The following ASIC2 variants were observed in gnomAD, a reference collection of about 807,000 sequenced individuals.
ASIC2 encodes the protein acid-sensing ion channel 2.
Under a neutral mutation model 57.3 loss-of-function variants are expected in ASIC2, and 25 were observed. The observed-to-expected ratio is 0.44, with a 90% CI of 0.32 to 0.61. The LOEUF is 0.61. Ranked by LOEUF, ASIC2 falls within the 20% of genes least tolerant of loss-of-function variation. The pLI, the probability that ASIC2 is intolerant of heterozygous loss-of-function variation, is 0.06. For synonymous variants in ASIC2, 319 were observed against 307.5 expected, an observed-to-expected ratio of 1.04 and a Z score of -0.39; for missense variants, 641 against 738.1, an observed-to-expected ratio of 0.87 and a Z score of 1.52.
chr17:33,046,320 T>C (rs901706347), intron 3 of ASIC2, among the ~76,000 whole-genome samples: 1 of 152,196 alleles, frequency 6.6e-6, no homozygotes, highest in Non-Finnish European at 1.5e-5. Context: ...ATGGGTGTAT[T>C]TGAAATGGAA....
chr17:34,041,056 G>C (rs1040103589), intron 1 of ASIC2, among the ~76,000 whole-genome samples: 5 of 152,194 alleles, frequency 3.3e-5, no homozygotes, highest in African/African-American at 1.2e-4. Flanking sequence ...AAGTGGGAAA[G>C]CATATATCTC....
intron 1 of ASIC2, among the ~76,000 whole-genome samples, chr17:33,483,233 G>A (rs1313266756): frequency 6.6e-6 from 1 of 152,238 alleles, no homozygotes; most frequent in Non-Finnish European, 1.5e-5. Flanking sequence ...GTGAATTGCA[G>A]TGTGGGCTCC....
intron 1 of ASIC2, among the ~76,000 whole-genome samples, chr17:33,835,956 A>G (rs190707728): frequency 6.4e-4 from 97 of 151,200 alleles, no homozygotes; most frequent in Middle Eastern, 3.5e-3. Flanking sequence ...TATATGAAAT[A>G]CTAATTATAT....
chr17:33,291,337 G>A, intron 1 of ASIC2, 71 bp downstream of exon 1: 1 of 1,510,474 alleles, frequency 6.6e-7, no homozygotes, highest in Admixed American at 2.1e-5. Flanking sequence ...CCGAGGGGGC[G>A]GAACACCAGG....
At chr17:33,764,289 C>G (rs1910870031) in intron 1 of ASIC2, among the ~76,000 whole-genome samples, 1 of 150,322 alleles carries the variant, frequency 6.7e-6, no homozygotes, top group African/African-American at 2.5e-5. Context: ...TGCACTCCAG[C>G]CTGGGCGAGA....
chr17:33,472,852 C>T (rs1913100065), intron 1 of ASIC2, among the ~76,000 whole-genome samples: 1 of 152,072 alleles, frequency 6.6e-6, no homozygotes, highest in Admixed American at 6.5e-5. Flanking sequence ...GTTTGGAGTC[C>T]AGGAATTCTG....
At chr17:33,803,861 T>C (rs1199810367) in intron 1 of ASIC2, among the ~76,000 whole-genome samples, 1 of 152,150 alleles carries the variant, frequency 6.6e-6, no homozygotes, top group Non-Finnish European at 1.5e-5. Context: ...CAGATTAAAC[T>C]ACAGCCCAGG....
chr17:33,418,317 T>C (rs985835076), intron 1 of ASIC2, among the ~76,000 whole-genome samples: 8 of 152,070 alleles, frequency 5.3e-5, no homozygotes, highest in African/African-American at 1.7e-4. Context: ...AAGTGTGACA[T>C]GCAGAATTAA....
chr17:33,813,407 T>C (rs1368653608), intron 1 of ASIC2, among the ~76,000 whole-genome samples: 1 of 151,950 alleles, frequency 6.6e-6, no homozygotes, highest in Non-Finnish European at 1.5e-5. Flanking sequence ...AGCCCCAGAG[T>C]GCCAGCATTA....
intron 1 of ASIC2, among the ~76,000 whole-genome samples, chr17:33,257,660 A>C (rs1349626137): frequency 6.6e-6 from 1 of 152,168 alleles, no homozygotes; most frequent in African/African-American, 2.4e-5. Flanking sequence ...CTCCATGCAC[A>C]CAACCTAGCC....
chr17:34,027,401 C>T (rs185235125), intron 1 of ASIC2, among the ~76,000 whole-genome samples: 142 of 152,256 alleles, frequency 9.3e-4, no homozygotes, highest in Admixed American at 1.9e-3. Flanking sequence ...TATGTCATCA[C>T]GGGTCAGACT....
At chr17:34,143,466 G>T (rs1214613592) in intron 1 of ASIC2, among the ~76,000 whole-genome samples, 1 of 152,196 alleles carries the variant, frequency 6.6e-6, no homozygotes, top group Admixed American at 6.5e-5. Flanking sequence ...ACTTCTTGTA[G>T]GAATGAATTA....
At chr17:33,806,431 C>T (rs1429072988) in intron 1 of ASIC2, among the ~76,000 whole-genome samples, 1 of 152,200 alleles carries the variant, frequency 6.6e-6, no homozygotes, top group Non-Finnish European at 1.5e-5. Context: ...CAAAGATAAG[C>T]AGCAGGCTGG....
intron 1 of ASIC2, among the ~76,000 whole-genome samples, chr17:33,354,976 A>T (rs1026910539): frequency 8.5e-5 from 13 of 152,206 alleles, no homozygotes; most frequent in African/African-American, 3.1e-4. Context: ...GACTGGGAGC[A>T]GCCTGTGGGC....
At chr17:33,230,242 C>G (rs557779423) in intron 1 of ASIC2, among the ~76,000 whole-genome samples, 30 of 152,360 alleles carry the variant, frequency 2.0e-4, no homozygotes, top group South Asian at 1.0e-3. Flanking sequence ...GTGATAGAAG[C>G]CAGCTATGGG....
chr17:33,044,815 T>C (rs1246477668), intron 3 of ASIC2, among the ~76,000 whole-genome samples: 1 of 152,172 alleles, frequency 6.6e-6, no homozygotes, highest in East Asian at 1.9e-4. Context: ...GGGGTCATAA[T>C]GTCCAGGCGT....
intron 1 of ASIC2, among the ~76,000 whole-genome samples, chr17:33,382,618 C>T (rs1406551491): frequency 6.6e-6 from 1 of 152,216 alleles, no homozygotes; most frequent in African/African-American, 2.4e-5. Context: ...GCTGCATAAT[C>T]CACAAACAGC....
chr17:33,327,934 T>TAGAGGC (rs1266641386), intron 1 of ASIC2, among the ~76,000 whole-genome samples: 1 of 152,072 alleles, frequency 6.6e-6, no homozygotes. Context: ...CACATGACAA[T>TAGAGGC]AGAGGCAGAG....
At chr17:33,479,680 T>C (rs1393086211) in intron 1 of ASIC2, among the ~76,000 whole-genome samples, 1 of 152,226 alleles carries the variant, frequency 6.6e-6, no homozygotes, top group Non-Finnish European at 1.5e-5. Flanking sequence ...TAACCCGTGC[T>C]GGGGCTTGCT....
Sources: allele counts gnomAD v4.1 joint callset (sites outside exome capture counted in the v4.1 genomes callset), GRCh38; gene constraint gnomAD v4.1.1; transcripts MANE v1.5; gene names NCBI Gene and HGNC (gene_info 2026-07-23, HGNC 2026-07-21).